ANKRD30B: variants seen among roughly 807,000 people sequenced by gnomAD.
ANKRD30B encodes the protein ankyrin repeat domain 30B, also known as ankyrin repeat domain-containing protein 30B.
A neutral mutation model predicts 202.2 loss-of-function variants in ANKRD30B; 144 were observed. That is an observed-to-expected ratio of 0.71 (90% confidence interval 0.62 to 0.82). The LOEUF (loss-of-function observed/expected upper bound fraction) is 0.82. Among genes scored for constraint, ANKRD30B ranks in the 40% least tolerant of loss-of-function variants. The pLI is 0.00. For missense variants in ANKRD30B, 1,487 were observed against 1,669.1 expected (o/e 0.89, Z 1.90); for synonymous variants, 508 against 561.3 (o/e 0.91, Z 1.34).
chr18:14,858,766 A>ATCACG (rs1972139082), downstream of ANKRD30B, among the ~76,000 whole-genome samples: 1 of 101,148 alleles, frequency 9.9e-6, no homozygotes, highest in Non-Finnish European at 2.1e-5. Flanking sequence ...CAGGGGGGGC[A>ATCACG]GCCAGGCAGA....
At chr18:14,795,725 A>G (rs1003064842) in intron 16 of ANKRD30B, among the ~76,000 whole-genome samples, 14 of 152,194 alleles carry the variant, frequency 9.2e-5, no homozygotes, top group Admixed American at 8.5e-4. Flanking sequence ...TTCTCATCGC[A>G]GCTTTGCAAT....
the ANKRD30B span, among the ~76,000 whole-genome samples, chr18:14,932,004 A>AGGCCCCCCACCCCACCTCCCT: frequency 1.2e-4 from 1 of 8,002 alleles, no homozygotes; most frequent in Non-Finnish European, 2.5e-4. Flanking sequence ...CCCACCTCCC[A>AGGCCCCCCACCCCACCTCCCT]CCTCCCTCCT....
At chr18:14,903,568 A>C in the ANKRD30B span, 4 of 152,206 alleles carry the variant, frequency 2.6e-5, no homozygotes, top group African/African-American at 9.6e-5. Flanking sequence ...TAACAGGGAG[A>C]GGAAGGAAAG....
In ANKRD30B at chr18:14,825,962, G is replaced by T. The variant is rs78555563; in HGVS notation, c.2744-2316G>T. Among the ~76,000 whole-genome samples, 69 of 152,104 alleles carry T rather than the reference G, an allele frequency of 4.5e-4. 2 individuals carry two copies. The East Asian group carries it at 0.012, about 27-fold the overall frequency. On this transcript the variant is annotated intron_variant, in intron 32 of 43. Transcript: ENST00000690538. ...GGAGTAAGAAATTGTCAGGTCAACAGAAAAGTGCAAACAGTCATGGGACAG... is the reference window on the plus strand; with the variant it reads ...GGAGTAAGAAATTGTCAGGTCAACATAAAAGTGCAAACAGTCATGGGACAG...
chr18:14,837,854 A>G (rs969821399), intron 36 of ANKRD30B, among the ~76,000 whole-genome samples, 178 bp downstream of exon 36: 1 of 152,144 alleles, frequency 6.6e-6, no homozygotes, highest in Non-Finnish European at 1.5e-5. Flanking sequence ...TCTCTACTAA[A>G]AATACAAAAA....
chr18:14,866,851 G>A, the ANKRD30B span, among the ~76,000 whole-genome samples: 6 of 151,986 alleles, frequency 3.9e-5, no homozygotes, highest in East Asian at 2.0e-4. Flanking sequence ...GTGCGCTGTC[G>A]TGCACTACCA....
the ANKRD30B span, among the ~76,000 whole-genome samples, chr18:14,922,314 G>A: frequency 2.0e-5 from 3 of 152,138 alleles, no homozygotes; most frequent in Non-Finnish European, 2.9e-5. Flanking sequence ...GTTTCTGCAA[G>A]CTTCACACCA....
intron 22 of ANKRD30B, 113 bp downstream of exon 22, chr18:14,799,408 T>G: frequency 9.3e-7 from 1 of 1,080,188 alleles, no homozygotes; most frequent in East Asian, 2.7e-5. Flanking sequence ...GATGGGAAAA[T>G]TTGATAAAAT....
At chr18:14,823,695 TGTGC>T (rs1970550237) in intron 32 of ANKRD30B, among the ~76,000 whole-genome samples, 3 of 152,308 alleles carry the variant, frequency 2.0e-5, no homozygotes, top group Admixed American at 2.0e-4. Flanking sequence ...TACAACAGGC[TGTGC>T]ATGGTGGCAC....
At chr18:14,939,643 G>A in the ANKRD30B span, among the ~76,000 whole-genome samples, 1 of 152,232 alleles carries the variant, frequency 6.6e-6, no homozygotes, top group African/African-American at 2.4e-5. Context: ...GTAGAACAGA[G>A]GCAGGAAGTC....
intron 39 of ANKRD30B, among the ~76,000 whole-genome samples, chr18:14,847,435 C>T (rs925609739): frequency 7.0e-6 from 1 of 142,358 alleles, no homozygotes; most frequent in Non-Finnish European, 1.5e-5. Flanking sequence ...CCTTCTACCT[C>T]TTTGTGGACT....
the ANKRD30B span, among the ~76,000 whole-genome samples, chr18:14,879,214 C>A: frequency 1.3e-5 from 2 of 152,076 alleles, no homozygotes; most frequent in Non-Finnish European, 2.9e-5. Flanking sequence ...GGTCAGAGAC[C>A]AGTTAGAAGG....
chr18:14,790,079 G>A (rs1027923103), intron 15 of ANKRD30B, among the ~76,000 whole-genome samples: 1 of 152,134 alleles, frequency 6.6e-6, no homozygotes, highest in Admixed American at 6.5e-5. Context: ...GCAGTGGTTT[G>A]TAGTTCTCCT....
chr18:14,894,176 T>C, the ANKRD30B span, among the ~76,000 whole-genome samples: 2 of 152,030 alleles, frequency 1.3e-5, no homozygotes, highest in South Asian at 4.2e-4. Flanking sequence ...TATCTAAACT[T>C]TTTTTTCTGT....
the ANKRD30B span, chr18:14,909,809 A>C: frequency 6.6e-6 from 1 of 152,176 alleles, no homozygotes; most frequent in Non-Finnish European, 1.5e-5. Flanking sequence ...GTGGCTGGGT[A>C]GGATTTGTAT....
chr18:14,832,584 A>C (rs776030059), intron 34 of ANKRD30B, among the ~76,000 whole-genome samples: 1 of 152,236 alleles, frequency 6.6e-6, no homozygotes, highest in Non-Finnish European at 1.5e-5. Context: ...TAGTGTACCC[A>C]GAATACAGTC....
At chr18:14,897,533 T>TA in the ANKRD30B span, among the ~76,000 whole-genome samples, 1 of 151,948 alleles carries the variant, frequency 6.6e-6, no homozygotes, top group East Asian at 1.9e-4. Flanking sequence ...TGTTACAAAG[T>TA]AAAAAAAATC....
At chr18:14,834,502 A>C (rs1485673407) in intron 34 of ANKRD30B, among the ~76,000 whole-genome samples, 1 of 152,052 alleles carries the variant, frequency 6.6e-6, no homozygotes, top group Non-Finnish European at 1.5e-5. Flanking sequence ...AGAATAAAAG[A>C]TATGATATAA....
the ANKRD30B span, among the ~76,000 whole-genome samples, chr18:14,886,385 T>A: frequency 6.6e-6 from 1 of 152,100 alleles, no homozygotes; most frequent in East Asian, 1.9e-4. Flanking sequence ...TGGAGCAAAT[T>A]TTATTTTCTA....
Sources: allele counts gnomAD v4.1 joint callset (sites outside exome capture counted in the v4.1 genomes callset), GRCh38; gene constraint gnomAD v4.1.1; transcripts MANE v1.5; gene names NCBI Gene and HGNC (gene_info 2026-07-23, HGNC 2026-07-21).